SCRG1: variants seen among roughly 807,000 people sequenced by gnomAD.
SCRG1 encodes the protein scrapie-responsive protein 1.
SCRG1 carries 3 observed loss-of-function variants against 7.7 expected under a neutral mutation model. The ratio of observed to expected loss-of-function variants is 0.39; its 90% CI spans 0.18 to 1.01. The LOEUF is 1.01. Among genes scored for constraint, SCRG1 ranks in the 50% least tolerant of loss-of-function variants. The pLI, the probability that SCRG1 is intolerant of heterozygous loss-of-function variation, is 0.36. For synonymous variants in SCRG1, 46 were observed against 41.2 expected (o/e 1.12, Z -0.44); for missense variants, 110 against 117.2 (o/e 0.94, Z 0.28).
At chr4:173,484,142 G>GTAATATAT in the SCRG1 span, among the ~76,000 whole-genome samples, 1 of 87,714 alleles carries the variant, frequency 1.1e-5, no homozygotes, top group South Asian at 4.4e-4. Flanking sequence ...ATATAATATA[G>GTAATATAT]AATATAGAAT....
At chr4:173,434,903 C>T in the SCRG1 span, among the ~76,000 whole-genome samples, 2 of 152,082 alleles carry the variant, frequency 1.3e-5, no homozygotes, top group Non-Finnish European at 2.9e-5. Flanking sequence ...TCATTAGGAT[C>T]ATCTGGGGAG....
At chr4:173,394,897 T>C (rs1457812589) in intron 1 of SCRG1, among the ~76,000 whole-genome samples, 1 of 152,250 alleles carries the variant, frequency 6.6e-6, no homozygotes, top group African/African-American at 2.4e-5. Context: ...GTAGTCAGTA[T>C]TTGTATATAC....
chr4:173,413,682 C>T, the SCRG1 span, among the ~76,000 whole-genome samples: 27 of 152,286 alleles, frequency 1.8e-4, no homozygotes, highest in African/African-American at 6.5e-4. Context: ...TGTGATCCAT[C>T]TGAAGAAAAA....
the SCRG1 span, among the ~76,000 whole-genome samples, chr4:173,463,618 G>A: frequency 1.4e-4 from 21 of 152,326 alleles, no homozygotes; most frequent in African/African-American, 5.1e-4. Flanking sequence ...GAACTGAGAA[G>A]CAGTAGACAG....
chr4:173,514,800 A>G, the SCRG1 span, among the ~76,000 whole-genome samples: 1 of 152,250 alleles, frequency 6.6e-6, no homozygotes, highest in Non-Finnish European at 1.5e-5. Flanking sequence ...TTCCTGTTGC[A>G]TAGTCCCAGC....
At chr4:173,458,486 C>T in the SCRG1 span, among the ~76,000 whole-genome samples, 1 of 152,244 alleles carries the variant, frequency 6.6e-6, no homozygotes, top group South Asian at 2.1e-4. Flanking sequence ...AGGAATGTGT[C>T]ACCACTAGAC....
chr4:173,390,219 G>A (rs1002221981), intron 2 of SCRG1, among the ~76,000 whole-genome samples: 2 of 151,392 alleles, frequency 1.3e-5, no homozygotes, highest in African/African-American at 4.9e-5. Context: ...AATTTTTTTT[G>A]TATTTTTGTA....
At chr4:173,451,809 C>CT in the SCRG1 span, among the ~76,000 whole-genome samples, 6 of 151,926 alleles carry the variant, frequency 3.9e-5, no homozygotes, top group African/African-American at 1.4e-4. Context: ...TGTCCATTGG[C>CT]TTTTTTTGAA....
chr4:173,509,410 C>T, the SCRG1 span, among the ~76,000 whole-genome samples: 2 of 152,158 alleles, frequency 1.3e-5, no homozygotes, highest in African/African-American at 4.8e-5. The surrounding 1 kb of genome is among the most constrained non-coding windows in gnomAD (Gnocchi z 5.7). Flanking sequence ...TCCCCGGGAG[C>T]ACGACGGATA....
rs1739216027 is a variant in SCRG1, at chr4:173,385,298, A to C, written c.*3043T>G. 2.0e-5 allele frequency: 3 copies of C among 152,098 alleles called. No individual in the cohort carries two copies. In the South Asian group the frequency reaches 6.2e-4, roughly 32 times the overall value. The allele number at this position is 152,098 out of a possible 1,614,324, so 9.4% of individuals were successfully genotyped here. A position where few individuals can be genotyped will look rare whatever the true frequency, so the allele number is the denominator to read the frequency against. On this transcript the variant is annotated 3_prime_UTR_variant, in exon 3 of 3. Coordinates refer to ENST00000296506, the MANE Select transcript of SCRG1 (RefSeq NM_007281.4). ...AGCCTGTCCAACATGGCAAAACCTC[A>C]TTTCTACTAAAAAATACAAAAATTA...
chr4:173,388,608 A>G (rs1272937511), intron 2 of SCRG1, among the ~76,000 whole-genome samples: 1 of 152,228 alleles, frequency 6.6e-6, no homozygotes, highest in East Asian at 1.9e-4. Context: ...CGCATTTGCC[A>G]TTGATATCAT....
At chr4:173,474,923 ATC>A in the SCRG1 span, among the ~76,000 whole-genome samples, 49,100 of 150,472 alleles carry the variant, frequency 0.33, 8,388 homozygotes, top group South Asian at 0.47. Flanking sequence ...ATATTTTGAA[ATC>A]TCTCTCTCTC....
the SCRG1 span, among the ~76,000 whole-genome samples, chr4:173,457,918 C>T: frequency 6.6e-6 from 1 of 152,130 alleles, no homozygotes; most frequent in East Asian, 1.9e-4. Context: ...TTTTCTTGTT[C>T]CCTGAGAGCT....
chr4:173,512,914 C>T, the SCRG1 span, among the ~76,000 whole-genome samples: 2 of 152,036 alleles, frequency 1.3e-5, no homozygotes, highest in Non-Finnish European at 2.9e-5. Flanking sequence ...TTGTAAAGGG[C>T]AAAATGCCTG....
the SCRG1 span, among the ~76,000 whole-genome samples, chr4:173,455,143 C>T: frequency 6.6e-6 from 1 of 151,996 alleles, no homozygotes. Flanking sequence ...AGCGATTCTA[C>T]GGTGAGGCCA....
At chr4:173,412,910 G>A in the SCRG1 span, among the ~76,000 whole-genome samples, 2 of 152,156 alleles carry the variant, frequency 1.3e-5, no homozygotes, top group African/African-American at 4.8e-5. Flanking sequence ...TAGCTTAGGA[G>A]TCTCTTTTGA....
the SCRG1 span, among the ~76,000 whole-genome samples, chr4:173,515,247 TA>T: frequency 1.3e-4 from 20 of 151,678 alleles, no homozygotes; most frequent in Admixed American, 5.9e-4. The surrounding 1 kb of genome is among the most constrained non-coding windows in gnomAD (Gnocchi z 4.6). Flanking sequence ...GTAAAATTAT[TA>T]CCCCCTGCCC....
At chr4:173,455,086 C>T in the SCRG1 span, among the ~76,000 whole-genome samples, 3 of 151,990 alleles carry the variant, frequency 2.0e-5, no homozygotes, top group Non-Finnish European at 4.4e-5. Flanking sequence ...TAAATGTTCC[C>T]CAGGCTTGCA....
chr4:173,484,765 ATAT>A, the SCRG1 span, among the ~76,000 whole-genome samples: 2,095 of 93,018 alleles, frequency 0.023, 144 homozygotes, highest in African/African-American at 0.093. Context: ...CATATAATAC[ATAT>A]TATATATTAT....
Sources: allele counts gnomAD v4.1 joint callset (sites outside exome capture counted in the v4.1 genomes callset), GRCh38; gene constraint gnomAD v4.1.1; non-coding constraint Gnocchi (gnomAD v3.1); transcripts MANE v1.5; gene names NCBI Gene and HGNC (gene_info 2026-07-23, HGNC 2026-07-21).